Variants in PEX1 observed in about 807,000 individuals in gnomAD.
PEX1 encodes peroxisomal ATPase PEX1.
A neutral mutation model predicts 152.5 loss-of-function variants in PEX1; 97 were observed. The observed-to-expected ratio is 0.64, with a 90% CI of 0.54 to 0.75. The LOEUF is 0.75. PEX1 is among the 30% of genes least tolerant of loss of function. PEX1 has a pLI of 0.00. For missense variants in PEX1, 1,357 were observed against 1,516.3 expected, an observed-to-expected ratio of 0.89 and a Z score of 1.74; for synonymous variants, 485 against 531.6, an observed-to-expected ratio of 0.91 and a Z score of 1.21.
chr7:92,492,932 C>A (rs1309909086), intron 20 of PEX1, 21 bp downstream of exon 20: 1 of 1,591,386 alleles, frequency 6.3e-7, no homozygotes, highest in Non-Finnish European at 8.6e-7. Context: ...AATGTCATAA[C>A]AACTTCCTCA....
At chr7:92,519,213 A>G in intron 2 of PEX1, 135 bp from the exon 3 acceptor site, 1 of 636,382 alleles carries the variant, frequency 1.6e-6, no homozygotes, top group South Asian at 1.8e-5. Flanking sequence ...GTGTATATGT[A>G]GTCTATGTAA....
chr7:92,508,472 A>G (rs1351873026), intron 9 of PEX1, among the ~76,000 whole-genome samples: 5 of 151,894 alleles, frequency 3.3e-5, no homozygotes, highest in African/African-American at 7.3e-5. Context: ...CAGGAGGCGG[A>G]GGTTGCAATG....
chr7:92,498,897 A>G (rs556716259), intron 16 of PEX1, among the ~76,000 whole-genome samples: 2 of 152,364 alleles, frequency 1.3e-5, no homozygotes, highest in East Asian at 3.9e-4. Context: ...TTGCCCTTTT[A>G]TCTGAGCATT....
At chr7:92,520,954 A>G (rs1793022446) in intron 2 of PEX1, among the ~76,000 whole-genome samples, 4 of 139,118 alleles carry the variant, frequency 2.9e-5, no homozygotes, top group Admixed American at 1.4e-4. Context: ...TAAAATAGTT[A>G]TAATGAATAT....
chr7:92,528,364 A>G lies in PEX1; in HGVS notation c.72T>C (p.Ala24=), dbSNP rs779078045. 5 of 1,587,336 alleles carry G rather than the reference A, an allele frequency of 3.1e-6. No homozygotes were observed. Among genetic ancestry groups the G allele is most frequent in the Non-Finnish European group, 4.3e-6 (5 of 1,168,748 alleles). Residue 24 remains alanine, a synonymous_variant, in exon 1 of 24, where the codon GCT becomes GCC. Transcript: ENST00000248633. ...GAAVTVAFTN[A]RDCFLHLPRR... is the part of the protein sequence containing the mutation. ...GCGGCAGGTGGAGGAAGCAGTCGCGAGCGTTGGTGAAGGCCACAGTCACTG... is the reference window on the plus strand; with the variant it reads ...GCGGCAGGTGGAGGAAGCAGTCGCGGGCGTTGGTGAAGGCCACAGTCACTG...
At chr7:92,505,897 C>A (rs918533230) in intron 11 of PEX1, among the ~76,000 whole-genome samples, 1 of 152,138 alleles carries the variant, frequency 6.6e-6, no homozygotes, top group Non-Finnish European at 1.5e-5. Context: ...TACTTTCTCT[C>A]CCCTGAAGCA....
At chr7:92,503,814 C>T (rs1285614185) in intron 12 of PEX1, among the ~76,000 whole-genome samples, 1 of 152,056 alleles carries the variant, frequency 6.6e-6, no homozygotes, top group Non-Finnish European at 1.5e-5. Context: ...TTGAGATTAA[C>T]ACACTAGGTA....
At chr7:92,494,068 C>T in intron 19 of PEX1, 1 of 493,060 alleles carries the variant, frequency 2.0e-6, no homozygotes, top group Non-Finnish European at 3.7e-6. Context: ...TTTCCCCAAT[C>T]AGCCAACACA....
chr7:92,491,673 A>G (rs1791332924), intron 20 of PEX1, 171 bp from the exon 21 acceptor site: 1 of 580,994 alleles, frequency 1.7e-6, no homozygotes, highest in East Asian at 2.9e-5. Flanking sequence ...AAATTTAACT[A>G]TTAAAATTAT....
At chr7:92,519,422 T>C (rs1300994455) in intron 2 of PEX1, among the ~76,000 whole-genome samples, 1 of 152,210 alleles carries the variant, frequency 6.6e-6, no homozygotes, top group Non-Finnish European at 1.5e-5. Context: ...CAAATATTTA[T>C]TACTTATTCT....
Position 92,514,990 on chromosome 7 carries a change from A to G in PEX1, c.1240-1023T>C, listed in dbSNP as rs189070103. 3.1e-4 allele frequency among the ~76,000 whole-genome samples: 47 copies of G among 150,872 alleles called. No homozygotes were observed. The Middle Eastern group carries it at 0.014, about 44-fold the overall frequency. ...CTTGAACCTGGGAGGCAGAGCTTGC[A>G]TTGAGTGGAGATCGCCACCACACTC... On this transcript the variant is annotated intron_variant, in intron 5 of 23. Transcript: ENST00000248633.
chr7:92,515,471 T>C (rs542118204), intron 5 of PEX1, among the ~76,000 whole-genome samples: 2 of 152,306 alleles, frequency 1.3e-5, no homozygotes, highest in African/African-American at 4.8e-5. Flanking sequence ...TCATTGTCCA[T>C]GGCTCTTCAA....
Position 92,501,948 on chromosome 7 carries a change from T to A in PEX1, c.2358A>T (p.Val786=). The change falls in exon 14 of 24, where the codon GTA becomes GTT. Residue 786 remains valine (V), a synonymous_variant. Coordinates refer to ENST00000248633, the MANE Select transcript of PEX1 (RefSeq NM_000466.3). ...TGGFVARDFT[V]LVDRAIHSRL... is the part of the protein sequence containing the mutation. ...GAGAATGTATGGCTCGATCCACAAG[T>A]ACTGTAAAATCTCTAGCCACAAACC... is the stretch of plus-strand genomic sequence containing the variant. 3 of 1,614,058 alleles carry A rather than the reference T, an allele frequency of 1.9e-6. No individual in the cohort carries two copies. Among genetic ancestry groups the A allele is most frequent in the Non-Finnish European group, 2.5e-6 (3 of 1,179,900 alleles).
At chr7:92,516,050 AGAG>A (rs1792738816) in intron 5 of PEX1, among the ~76,000 whole-genome samples, 1 of 90,510 alleles carries the variant, frequency 1.1e-5, no homozygotes. Context: ...AGAGAAGAGA[AGAG>A]AAAAAAGAAA....
Position 92,517,592 on chromosome 7 carries a change from T to C in PEX1, c.923A>G (p.Lys308Arg). The change falls in exon 5 of 24, where the codon AAA becomes AGA. Residue 308 changes from lysine (K) to arginine (R), a missense_variant. Coordinates refer to ENST00000248633, the MANE Select transcript of PEX1 (RefSeq NM_000466.3). ...TGGAAATACATGAATGGCACAGTGT[T>C]TATGAAAAACAGAGGTTGCTGACGC... ...YNASATSVFH[K>R]HCAIHVFPWD... 1 of 1,614,078 alleles carries C rather than the reference T, an allele frequency of 6.2e-7. No homozygotes were observed. The highest frequency in any genetic ancestry group is 1.1e-5 in the South Asian group (1 of 91,074).
intron 1 of PEX1, among the ~76,000 whole-genome samples, chr7:92,524,195 T>G (rs1446936425): frequency 6.6e-6 from 1 of 151,842 alleles, no homozygotes; most frequent in African/African-American, 2.4e-5. Context: ...TCAAGTGATC[T>G]TCCCACCTCA....
At chr7:92,511,913 G>A (rs532930269) in intron 6 of PEX1, among the ~76,000 whole-genome samples, 2 of 152,196 alleles carry the variant, frequency 1.3e-5, no homozygotes, top group Non-Finnish European at 2.9e-5. Flanking sequence ...TCTGTTAGGC[G>A]GAAAAGTTTT....
chr7:92,506,781 G>T, intron 10 of PEX1: 1 of 587,240 alleles, frequency 1.7e-6, no homozygotes, highest in African/African-American at 1.9e-5. Context: ...AGGGCATGGA[G>T]AACATCAGTC....
chr7:92,496,576 C>T lies in PEX1; in HGVS notation c.2783+137G>A, dbSNP rs571529616. 1.7e-4 allele frequency: 124 copies of T among 713,000 alleles called. 1 individual carries two copies. The highest frequency in any genetic ancestry group is 1.1e-3 in the Middle Eastern group (3 of 2,620). 44.2% of individuals were successfully genotyped at this position (713,000 alleles called of 1,614,324 possible). A position where few individuals can be genotyped will look rare whatever the true frequency, so the allele number is the denominator to read the frequency against. ...ATTATTTGATGAAATAGAGAATCCACGTCCTCTAGCTTATTAATAATTCAC... is the reference window on the plus strand; with the variant it reads ...ATTATTTGATGAAATAGAGAATCCATGTCCTCTAGCTTATTAATAATTCAC... On this transcript the variant is annotated intron_variant, in intron 17 of 23. Transcript: ENST00000248633.
Sources: allele counts gnomAD v4.1 joint callset (sites outside exome capture counted in the v4.1 genomes callset), GRCh38; gene constraint gnomAD v4.1.1; transcripts MANE v1.5; gene names NCBI Gene and HGNC (gene_info 2026-07-23, HGNC 2026-07-21).